Variants in GRIK2 observed in about 807,000 individuals in gnomAD.
GRIK2 encodes the protein glutamate receptor ionotropic, kainate 2.
GRIK2 carries 32 observed loss-of-function variants against 100.3 expected under a neutral mutation model. The observed-to-expected ratio is 0.32, with a 90% CI of 0.24 to 0.43. GRIK2 has a LOEUF of 0.43. GRIK2 is among the 20% of genes least tolerant of loss of function. The pLI is 1.00. For missense variants in GRIK2, 843 were observed against 1,114.9 expected (o/e 0.76, Z 3.47); for synonymous variants, 417 against 389.4 (o/e 1.07, Z -0.83).
chr6:101,709,769 G>T (rs1013644683), intron 7 of GRIK2, among the ~76,000 whole-genome samples: 2 of 151,862 alleles, frequency 1.3e-5, no homozygotes, highest in South Asian at 4.1e-4. Flanking sequence ...GCAGTATCTG[G>T]ATTGCAGGGT....
chr6:101,511,842 A>G (rs534057565), intron 2 of GRIK2, among the ~76,000 whole-genome samples: 1 of 152,058 alleles, frequency 6.6e-6, no homozygotes, highest in South Asian at 2.1e-4. Flanking sequence ...GGAATTTTTT[A>G]TGAACTCACC....
intron 14 of GRIK2, among the ~76,000 whole-genome samples, chr6:102,031,504 G>A (rs1054311285): frequency 1.3e-5 from 2 of 150,956 alleles, no homozygotes; most frequent in Non-Finnish European, 3.0e-5. Flanking sequence ...GGAGATACAT[G>A]TGCAGTTTTG....
At chr6:101,591,288 CTTT>C (rs551138246) in intron 2 of GRIK2, among the ~76,000 whole-genome samples, 1 of 145,276 alleles carries the variant, frequency 6.9e-6, no homozygotes, top group Non-Finnish European at 1.5e-5. Context: ...TATTTCTCTC[CTTT>C]TTTTTTTGCT....
At chr6:101,730,777 G>C (rs1035154470) in intron 7 of GRIK2, among the ~76,000 whole-genome samples, 14 of 151,678 alleles carry the variant, frequency 9.2e-5, no homozygotes, top group South Asian at 2.1e-4. Context: ...TTCAAGAAGA[G>C]AGAAACATAC....
Position 101,606,933 on chromosome 6 carries a change from G to T in GRIK2, c.116-15016G>T, listed in dbSNP as rs529153644. ...TTCTCTGAGGTGTACTTTGTGCCACGCTTTCTGTGTCACAAACAGGTATGT... is the reference window on the plus strand; with the variant it reads ...TTCTCTGAGGTGTACTTTGTGCCACTCTTTCTGTGTCACAAACAGGTATGT... On this transcript the variant is annotated intron_variant, in intron 2 of 16. Transcript: ENST00000369134. 2.0e-5 allele frequency among the ~76,000 whole-genome samples: 3 copies of T among 151,948 alleles called. No individual in the cohort carries two copies. In the South Asian group the frequency reaches 6.2e-4, roughly 32 times the overall value.
intron 11 of GRIK2, among the ~76,000 whole-genome samples, chr6:101,876,783 A>C (rs1241578260): frequency 6.6e-6 from 1 of 151,984 alleles, no homozygotes; most frequent in South Asian, 2.1e-4. Context: ...TCTGTTCTCA[A>C]ATCAATCAGT....
chr6:101,796,190 G>C (rs1780293056), intron 7 of GRIK2, among the ~76,000 whole-genome samples: 1 of 152,114 alleles, frequency 6.6e-6, no homozygotes, highest in South Asian at 2.1e-4. Flanking sequence ...GCTGCTGTCT[G>C]CCTTGGTTTC....
At chr6:101,437,889 C>T (rs1182026677) in intron 2 of GRIK2, among the ~76,000 whole-genome samples, 1 of 151,998 alleles carries the variant, frequency 6.6e-6, no homozygotes, top group Non-Finnish European at 1.5e-5. Context: ...CTTGTTCCCT[C>T]GATGATCTTA....
intron 7 of GRIK2, among the ~76,000 whole-genome samples, chr6:101,706,625 T>C (rs1395451984): frequency 6.6e-6 from 1 of 151,956 alleles, no homozygotes; most frequent in Non-Finnish European, 1.5e-5. Context: ...GACCGTGCTA[T>C]AGGTCTGAAA....
intron 2 of GRIK2, chr6:101,620,079 C>A (rs1780078886): frequency 6.5e-6 from 1 of 152,766 alleles, no homozygotes; most frequent in South Asian, 2.1e-4. Flanking sequence ...CCTCCCTTGT[C>A]ATTCTTCTTT....
chr6:101,927,123 T>G (rs1789954090), intron 13 of GRIK2, among the ~76,000 whole-genome samples: 1 of 152,152 alleles, frequency 6.6e-6, no homozygotes, highest in Non-Finnish European at 1.5e-5. Context: ...TGGAGTTGGC[T>G]GTCATGTCCA....
intron 2 of GRIK2, among the ~76,000 whole-genome samples, chr6:101,600,630 T>A (rs1227225306): frequency 6.6e-6 from 1 of 151,742 alleles, no homozygotes; most frequent in African/African-American, 2.4e-5. Context: ...GTTGGTTACA[T>A]GTAGTTGAAG....
intron 14 of GRIK2, among the ~76,000 whole-genome samples, chr6:102,017,196 A>G (rs1375096761): frequency 6.6e-6 from 1 of 152,150 alleles, no homozygotes; most frequent in Non-Finnish European, 1.5e-5. Context: ...GACCACACAA[A>G]CAAGTTGGCA....
chr6:101,987,588 ACAC>A (rs1364063058), intron 14 of GRIK2, among the ~76,000 whole-genome samples: 9 of 150,960 alleles, frequency 6.0e-5, no homozygotes, highest in Non-Finnish European at 1.2e-4. Flanking sequence ...ATCCTATTAA[ACAC>A]TATTAGCTTC....
intron 14 of GRIK2, among the ~76,000 whole-genome samples, chr6:102,006,095 G>T (rs1386445821): frequency 6.6e-6 from 1 of 151,896 alleles, no homozygotes; most frequent in Non-Finnish European, 1.5e-5. Flanking sequence ...GGTATTGAGG[G>T]TTAGGACGTC....
chr6:101,545,156 T>C (rs1460258481), intron 2 of GRIK2, among the ~76,000 whole-genome samples: 1 of 152,200 alleles, frequency 6.6e-6, no homozygotes, highest in Non-Finnish European at 1.5e-5. Flanking sequence ...TTCATAATTT[T>C]ACAATATTTT....
chr6:101,656,976 A>G (rs1183528375), intron 4 of GRIK2, among the ~76,000 whole-genome samples: 2 of 152,228 alleles, frequency 1.3e-5, no homozygotes, highest in Non-Finnish European at 2.9e-5. Flanking sequence ...TGGCTTTGCC[A>G]TTTAATAGCC....
At chr6:102,055,878 A>T (rs974431954) in intron 16 of GRIK2, among the ~76,000 whole-genome samples, 5 of 151,984 alleles carry the variant, frequency 3.3e-5, no homozygotes, top group Non-Finnish European at 5.9e-5. Context: ...TTGTTGTTTG[A>T]ATTTCATCGT....
At chr6:101,414,743 C>T (rs1459821364) in intron 2 of GRIK2, among the ~76,000 whole-genome samples, 1 of 152,182 alleles carries the variant, frequency 6.6e-6, no homozygotes. Flanking sequence ...CCTCACATCC[C>T]ATTAGTCAAA....
Sources: gnomAD v4.1 joint callset for allele counts (sites outside exome capture counted in the v4.1 genomes callset) on GRCh38, gnomAD v4.1.1 for gene constraint, MANE v1.5 for transcripts, NCBI Gene and HGNC (gene_info 2026-07-23, HGNC 2026-07-21) for gene names.